The following COX6B2 variants were observed in gnomAD, a reference collection of about 807,000 sequenced individuals.
The protein encoded by COX6B2 is COX VIb-2.
COX6B2 carries 12 observed loss-of-function variants against 13.7 expected under a neutral mutation model. The ratio of observed to expected loss-of-function variants is 0.87; its 90% CI spans 0.56 to 1.41. The LOEUF (loss-of-function observed/expected upper bound fraction) is 1.41. COX6B2 is among the 40% of genes most tolerant of loss of function. The pLI is 0.00. For synonymous variants in COX6B2, 56 were observed against 46.6 expected, an observed-to-expected ratio of 1.20 and a Z score of -0.82; for missense variants, 130 against 118.3, an observed-to-expected ratio of 1.10 and a Z score of -0.46.
At chr19:55,354,140 C>T in intron 2 of COX6B2, 174 bp from the exon 3 acceptor site, 1 of 658,128 alleles carries the variant, frequency 1.5e-6, no homozygotes, top group Non-Finnish European at 2.7e-6. Context: ...TCACACTGCT[C>T]CTCCTACCCA....
In COX6B2 at chr19:55,354,475, G is replaced by A. The variant is rs1427357013; in HGVS notation, c.47C>T (p.Thr16Met). The change falls in exon 2 of 5, where the codon ACG becomes ATG. Residue 16 changes from threonine to methionine, a missense_variant. Transcript: ENST00000326529. ...GGGGAAGCGCGGGTCGAAGGGCGGC[G>A]TCGACCATTTCCCCTTGGGGGGCTC... ...AQEPPKGKWSTPPFDPRFPSQ... is the reference protein window; with the variant it reads ...AQEPPKGKWSMPPFDPRFPSQ... 1 of 1,613,994 alleles carries A rather than the reference G, an allele frequency of 6.2e-7. No homozygotes were observed. The highest frequency in any genetic ancestry group is 1.7e-5 in the Admixed American group (1 of 60,014).
At chr19:55,353,194 G>A (rs2089681478) in intron 4 of COX6B2, 2 of 186,932 alleles carry the variant, frequency 1.1e-5, no homozygotes, top group Non-Finnish European at 2.3e-5. Context: ...CTCAGGACCC[G>A]AGATGGGATG....
chr19:55,353,925 T>A lies in COX6B2; in HGVS notation c.154A>T (p.Ser52Cys), dbSNP rs2089688162. The part of the protein sequence containing the change: ...CLKTRTRRGK[S>C]TQPCEYYFRV... ...AAATAGTACTCGCAGGGCTGCGTGC[T>A]CTTCCCGCGGCGGGTCCTGGTCTTG... Residue 52 changes from serine to cysteine, a missense_variant, in exon 3 of 5, where the codon AGC (serine) becomes TGC (cysteine). Ser to Cys is a moderately radical substitution (Grantham distance 112). Coordinates refer to ENST00000326529, the MANE Select transcript of COX6B2 (RefSeq NM_144613.5). 6.4e-7 allele frequency: 1 copy of A among 1,569,086 alleles called. No individual in the cohort carries two copies. The highest frequency in any genetic ancestry group is 1.4e-5 in the African/African-American group (1 of 73,766).
Position 55,353,677 on chromosome 19 carries a change from G to A in COX6B2, c.*44C>T. 3 of 1,587,402 alleles carry A rather than the reference G, an allele frequency of 1.9e-6. No homozygotes were observed. Among genetic ancestry groups the A allele is most frequent in the Non-Finnish European group, 2.6e-6 (3 of 1,164,716 alleles). Reference sequence around the variant, plus strand: ...GACCCGGGGCTCCGCGAGACAAAAAGATGCAGGATCACTGCATCTTCAGAG... The same window carrying A: ...GACCCGGGGCTCCGCGAGACAAAAAAATGCAGGATCACTGCATCTTCAGAG... On this transcript the variant is annotated 3_prime_UTR_variant, in exon 4 of 5. Transcript: ENST00000326529.
intron 2 of COX6B2, 136 bp from the exon 3 acceptor site, chr19:55,354,102 C>T (rs2089690449): frequency 1.3e-6 from 1 of 765,858 alleles, no homozygotes; most frequent in African/African-American, 1.7e-5. Flanking sequence ...TCCCGCCCCT[C>T]CCAGCCAGGC....
rs2089665979 is a variant in COX6B2 at position 55,350,873 on chromosome 19, A to C, written c.*115-73T>G. The C allele has an allele frequency of 6.6e-6, 1 of 152,330 alleles. No homozygotes were observed. The highest frequency in any genetic ancestry group is 6.5e-5 in the Admixed American group (1 of 15,292). 9.4% of individuals were successfully genotyped at this position (152,330 alleles called of 1,614,324 possible). ...AGCACTGACCTGGGTGTGTGGCACT[A>C]GAACTGCTCTCAGCCTTTGGCAGGC... On this transcript the variant is annotated intron_variant, in intron 4 of 4. Transcript: ENST00000326529. This position sits in a 1 kb window ranked among gnomAD's most constrained non-coding sequence, Gnocchi z 4.2.
chr19:55,350,325 T>G lies in COX6B2; in HGVS notation c.*590A>C, dbSNP rs952785986. On this transcript the variant is annotated 3_prime_UTR_variant, in exon 5 of 5. Transcript: ENST00000326529. The surrounding 1 kb of genome is among the most constrained non-coding windows in gnomAD (Gnocchi z 4.2). ...CATGCCTCTGCCCCAACCAAAAATG[T>G]CTCCAGACCTTGCCTGATGTCCCCA... 6.6e-6 allele frequency: 1 copy of G among 152,180 alleles called. No individual in the cohort carries two copies. Among genetic ancestry groups the G allele is most frequent in the African/African-American group, 2.4e-5 (1 of 41,374 alleles). 9.4% of individuals were successfully genotyped at this position (152,180 alleles called of 1,614,324 possible).
At chr19:55,353,551 A>G in intron 4 of COX6B2, 56 bp downstream of exon 4, 1 of 677,748 alleles carries the variant, frequency 1.5e-6, no homozygotes. Flanking sequence ...GATCCCCACC[A>G]CCACCACGAC....
rs112022805 is a variant in COX6B2 at position 55,352,313 on chromosome 19, A to T, written c.*114+1294T>A. On this transcript the variant is annotated intron_variant, in intron 4 of 4. Transcript: ENST00000326529. This position sits in a 1 kb window ranked among gnomAD's most constrained non-coding sequence, Gnocchi z 6.2. The stretch of plus-strand genomic sequence containing the variant: ...GTGGCGTCATCCTGGGGGATGGCTC[A>T]TCTAGGGTGTGTCCTGGGCAGCATG... 1 of 152,278 alleles carries T rather than the reference A, an allele frequency of 6.6e-6. No individual in the cohort carries two copies. The highest frequency in any genetic ancestry group is 6.5e-5 in the Admixed American group (1 of 15,272). The allele number at this position is 152,278 out of a possible 1,614,324, so 9.4% of individuals were successfully genotyped here.
chr19:55,353,992 A>C, intron 2 of COX6B2, 26 bp from the exon 3 acceptor site: 1 of 1,527,250 alleles, frequency 6.5e-7, no homozygotes. Flanking sequence ...GTCACGCGGC[A>C]AGCCACGCCC....
chr19:55,353,794 G>GGAGC lies in COX6B2; in HGVS notation c.214-24_214-21dup, dbSNP rs754403498. 1.1e-5 allele frequency: 18 copies of GGAGC among 1,602,410 alleles called. No homozygotes were observed. In the African/African-American group the frequency reaches 2.3e-4, roughly 20 times the overall value. Reference sequence around the variant, plus strand: ...CTCCACCTGGGAAGCAGAAAGGCAGGGAGCGGGACGCCGGCTCAGCCTCGG... The same window carrying GGAGC: ...CTCCACCTGGGAAGCAGAAAGGCAGGGAGCGAGCGGGACGCCGGCTCAGCCTCGG... On this transcript the variant is annotated intron_variant, in intron 3 of 4. Transcript: ENST00000326529.
rs1394128344 is a variant in COX6B2 at position 55,353,737 on chromosome 19, A to G, written c.251T>C (p.Phe84Ser). 1 of 1,610,022 alleles carries G rather than the reference A, an allele frequency of 6.2e-7. No individual in the cohort carries two copies. The highest frequency in any genetic ancestry group is 8.5e-7 in the Non-Finnish European group (1 of 1,177,756). ...SWNEQIKNGI[F>S]AGKI ...CTGGGGCAGTCAGATTTTGCCGGCG[A>G]AAATCCCGTTCTTGATCTGCTCGTT... The change falls in exon 4 of 5, where the codon TTC (phenylalanine) becomes TCC (serine). Residue 84 changes from phenylalanine to serine, a missense_variant. By Grantham distance (155) the Phe-to-Ser change is radical (BLOSUM62 -2). Transcript: ENST00000326529.
Position 55,353,899 on chromosome 19 carries a change from G to C in COX6B2, c.180C>G (p.Phe60Leu). 3 of 1,571,726 alleles carry C rather than the reference G, an allele frequency of 1.9e-6. No homozygotes were observed. In the African/African-American group the frequency reaches 4.0e-5, roughly 21 times the overall value. The change falls in exon 3 of 5, where the codon TTC becomes TTG. Residue 60 changes from phenylalanine (F) to leucine (L), a missense_variant. Physicochemically the swap from Phe to Leu is conservative, Grantham distance 22. Coordinates refer to ENST00000326529, the MANE Select transcript of COX6B2 (RefSeq NM_144613.5). Reference sequence around the variant, plus strand: ...TGGGGCACAGCGAGTGGTACACGCGGAAATAGTACTCGCAGGGCTGCGTGC... The same window carrying C: ...TGGGGCACAGCGAGTGGTACACGCGCAAATAGTACTCGCAGGGCTGCGTGC... Reference protein sequence around the residue: ...GKSTQPCEYYFRVYHSLCPIS... With the variant: ...GKSTQPCEYYLRVYHSLCPIS...
chr19:55,354,374 C>G (rs780482938), intron 2 of COX6B2, 36 bp downstream of exon 2: 1 of 1,550,884 alleles, frequency 6.4e-7, no homozygotes, highest in Non-Finnish European at 8.9e-7. Flanking sequence ...CTTGTCACAC[C>G]CTGCTCCTCC....
At position 55,353,849 on chromosome 19, in the gene COX6B2, C is replaced by T. The variant is rs1463365490; in HGVS notation, c.213+17G>A. 1 of 1,580,912 alleles carries T rather than the reference C, an allele frequency of 6.3e-7. No homozygotes were observed. On this transcript the variant is annotated intron_variant, in intron 3 of 4. Coordinates refer to ENST00000326529, the MANE Select transcript of COX6B2 (RefSeq NM_144613.5). Reference sequence around the variant, plus strand: ...GCCCTGCACACGCCTGGCCCGGCGCCCCCTCTGCCGACTCACCCAGCTGAT... The same window carrying T: ...GCCCTGCACACGCCTGGCCCGGCGCTCCCTCTGCCGACTCACCCAGCTGAT...
At position 55,353,789 on chromosome 19, in the gene COX6B2, G is replaced by A. The variant is rs760596207; in HGVS notation, c.214-15C>T. On this transcript the variant is annotated splice_polypyrimidine_tract_variant and intron_variant, in intron 3 of 4. Coordinates refer to ENST00000326529, the MANE Select transcript of COX6B2 (RefSeq NM_144613.5). ...CAGCTCTCCACCTGGGAAGCAGAAAGGCAGGGAGCGGGACGCCGGCTCAGC... is the reference window on the plus strand; with the variant it reads ...CAGCTCTCCACCTGGGAAGCAGAAAAGCAGGGAGCGGGACGCCGGCTCAGC... 1.2e-6 allele frequency: 2 copies of A among 1,604,758 alleles called. No individual in the cohort carries two copies. The highest frequency in any genetic ancestry group is 1.7e-6 in the Non-Finnish European group (2 of 1,175,834).
At chr19:55,354,249 G>A in intron 2 of COX6B2, 161 bp downstream of exon 2, 1 of 657,692 alleles carries the variant, frequency 1.5e-6, no homozygotes, top group Non-Finnish European at 2.6e-6. Flanking sequence ...GCCCCTCCAG[G>A]CTCAGCCCCG....
intron 4 of COX6B2, among the ~76,000 whole-genome samples, chr19:55,351,100 C>T (rs554861373): frequency 6.7e-4 from 102 of 152,354 alleles, no homozygotes; most frequent in African/African-American, 2.2e-3. Context: ...GGCCGACATG[C>T]TGATTCGAGT....
rs1355315808 is a variant in COX6B2, at chr19:55,354,444, C to T, written c.78G>A (p.Gln26=). ...TCTGGTAGCAGTTACGGATCTGGTT[C>T]TGGCTGGGGAAGCGCGGGTCGAAGG... ...TPPFDPRFPS[Q]NQIRNCYQNF... is the part of the protein sequence containing the mutation. The change falls in exon 2 of 5, where the codon CAG becomes CAA. Residue 26 remains glutamine, a synonymous_variant. Coordinates refer to ENST00000326529, the MANE Select transcript of COX6B2 (RefSeq NM_144613.5). The T allele has an allele frequency of 1.2e-6, 2 of 1,614,018 alleles. No homozygotes were observed. Among genetic ancestry groups the T allele is most frequent in the Non-Finnish European group, 1.7e-6 (2 of 1,179,960 alleles).
Sources: allele counts gnomAD v4.1 joint callset (sites outside exome capture counted in the v4.1 genomes callset), GRCh38; gene constraint gnomAD v4.1.1; non-coding constraint Gnocchi (gnomAD v3.1); transcripts MANE v1.5; gene names NCBI Gene and HGNC (gene_info 2026-07-23, HGNC 2026-07-21).